Variants in KCNN1 observed in about 807,000 individuals in gnomAD.
The protein encoded by KCNN1 is potassium calcium-activated channel subfamily N member 1, also known as small conductance calcium-activated potassium channel protein 1.
In KCNN1, 20 loss-of-function variants were observed where a neutral mutation model predicts 44.7. The observed-to-expected ratio is 0.45, with a 90% CI of 0.32 to 0.65. KCNN1 has a LOEUF of 0.65. Among genes scored for constraint, KCNN1 ranks in the 30% least tolerant of loss-of-function variants. The probability of loss-of-function intolerance (pLI) is 0.05; values close to 1 mark genes in which losing one functional copy is unlikely to be tolerated. For missense variants in KCNN1, 632 were observed against 785.3 expected (o/e 0.80, Z 2.33); for synonymous variants, 324 against 341.7 (o/e 0.95, Z 0.57).
intron 4 of KCNN1, chr19:17,982,593 G>T: frequency 4.1e-6 from 4 of 985,232 alleles, no homozygotes; most frequent in Non-Finnish European, 4.8e-6. Context: ...CCCACCCTCC[G>T]CTGAGCTGTG....
intron 2 of KCNN1, among the ~76,000 whole-genome samples, chr19:17,958,628 A>T (rs2031601133): frequency 6.6e-6 from 1 of 151,772 alleles, no homozygotes; most frequent in African/African-American, 2.4e-5. Flanking sequence ...TTGGGACTAT[A>T]GATAGGTGCC....
Position 17,974,414 on chromosome 19 carries a change from G to T in KCNN1, c.402+124G>T. 8.9e-7 allele frequency: 1 copy of T among 1,117,840 alleles called. No individual in the cohort carries two copies. The highest frequency in any genetic ancestry group is 1.2e-6 in the Non-Finnish European group (1 of 817,546). The allele number at this position is 1,117,840 out of a possible 1,614,324, so 69.2% of individuals were successfully genotyped here. ...AGGGAGTGTTAGGGGGCTCCCGGAG[G>T]TGAGGGCTCCCTGGCCTTCTGCATA... On this transcript the variant is annotated intron_variant, in intron 2 of 9. Transcript: ENST00000684775. This position sits in a 1 kb window ranked among gnomAD's most constrained non-coding sequence, Gnocchi z 7.3.
chr19:17,992,796 G>A (rs12463223), intron 7 of KCNN1, among the ~76,000 whole-genome samples: 13,811 of 152,218 alleles, frequency 0.091, 816 homozygotes, highest in East Asian at 0.15. Flanking sequence ...AGGAGATGGT[G>A]TCGGCATAGT....
rs573973200 is a variant in KCNN1 at position 17,993,166 on chromosome 19, G to A, written c.1307+104G>A. On this transcript the variant is annotated intron_variant, in intron 8 of 9. Transcript: ENST00000684775. The surrounding 1 kb of genome is among the most constrained non-coding windows in gnomAD (Gnocchi z 4.5). ...GCATGCCAACCCCAGCCTCAGAGGC[G>A]GGCAGGGTTCACATCTGCCCCATGG... 27 of 1,406,248 alleles carry A rather than the reference G, an allele frequency of 1.9e-5. No homozygotes were observed. The highest frequency in any genetic ancestry group is 9.9e-5 in the African/African-American group (7 of 70,778). The allele number at this position is 1,406,248 out of a possible 1,614,324, so 87.1% of individuals were successfully genotyped here.
At chr19:17,962,605 AGCCCTCTGCGACACCT>A (rs796565171), upstream of KCNN1, among the ~76,000 whole-genome samples, 248 of 152,206 alleles carry the variant, frequency 1.6e-3, 2 homozygotes, top group African/African-American at 5.7e-3. Flanking sequence ...CTCAGGAACA[AGCCCTCTGCGACACCT>A]GCCCCAGCTC....
chr19:17,998,244 T>C lies in KCNN1; in HGVS notation c.1470T>C (p.Asp490=). ...ARLATLESRL[D]ALGASLQALP... is the part of the protein sequence containing the mutation. ...TGGCCACCCTGGAAAGCCGCTTGGA[T>C]GCGCTGGGTGCCTCTCTACAGGCCC... is the stretch of plus-strand genomic sequence containing the variant. Residue 490 remains aspartate, a synonymous_variant, in exon 10 of 10, where the codon GAT becomes GAC. Coordinates refer to ENST00000684775, the MANE Select transcript of KCNN1 (RefSeq NM_001386974.1). This position sits in a 1 kb window ranked among gnomAD's most constrained non-coding sequence, Gnocchi z 5.4. The C allele has an allele frequency of 5.7e-6, 9 of 1,570,474 alleles. No individual in the cohort carries two copies. The highest frequency in any genetic ancestry group is 7.8e-6 in the Non-Finnish European group (9 of 1,160,376).
intron 6 of KCNN1, among the ~76,000 whole-genome samples, chr19:17,989,291 C>G (rs997301916): frequency 1.1e-4 from 17 of 152,102 alleles, no homozygotes; most frequent in African/African-American, 4.1e-4. Context: ...AACCCCATCT[C>G]TAGTAAAAAT....
chr19:17,985,266 G>A (rs2032558659), intron 4 of KCNN1, 46 bp from the exon 5 acceptor site: 1 of 1,511,726 alleles, frequency 6.6e-7, no homozygotes, highest in Admixed American at 2.0e-5. Flanking sequence ...AGGCAAAGGG[G>A]ATGGTATAGA....
At position 17,998,930 on chromosome 19, in the gene KCNN1, TCA is replaced by T; in HGVS notation, c.*525_*526del. The T allele has an allele frequency of 6.5e-6, 1 of 152,792 alleles. No individual in the cohort carries two copies. The highest frequency in any genetic ancestry group is 2.4e-5 in the African/African-American group (1 of 41,586). The allele number at this position is 152,792 out of a possible 1,614,324, so 9.5% of individuals were successfully genotyped here. On this transcript the variant is annotated 3_prime_UTR_variant, in exon 10 of 10. Coordinates refer to ENST00000684775, the MANE Select transcript of KCNN1 (RefSeq NM_001386974.1). This position sits in a 1 kb window ranked among gnomAD's most constrained non-coding sequence, Gnocchi z 5.4. ...CAGCCCCACCTGGCGCTGAGATCCC[TCA>T]GACAGCATGGCCCAGCCCTGGCCAG...
chr19:17,971,735 A>C (rs1298632356), intron 1 of KCNN1, among the ~76,000 whole-genome samples: 1 of 151,678 alleles, frequency 6.6e-6, no homozygotes, highest in Non-Finnish European at 1.5e-5. Flanking sequence ...AAGTGCTGGG[A>C]TTCCAGGCGT....
chr19:17,990,931 G>T (rs1258417574), intron 7 of KCNN1, among the ~76,000 whole-genome samples: 4 of 152,068 alleles, frequency 2.6e-5, no homozygotes, highest in Non-Finnish European at 5.9e-5. Context: ...GAAGTCACCA[G>T]GGGGCTTTTT....
At chr19:17,963,839 C>A (rs1445193089), upstream of KCNN1, among the ~76,000 whole-genome samples, 1 of 152,068 alleles carries the variant, frequency 6.6e-6, no homozygotes, top group Non-Finnish European at 1.5e-5. Flanking sequence ...GATCTTCCTG[C>A]CTCAGCCGCC....
upstream of KCNN1, among the ~76,000 whole-genome samples, chr19:17,963,070 C>G (rs529856882): frequency 7.1e-6 from 1 of 140,526 alleles, no homozygotes; most frequent in East Asian, 2.1e-4. Flanking sequence ...TGCAGTGGCG[C>G]GATCTCGGTT....
chr19:17,989,351 G>T (rs776459572), intron 6 of KCNN1, among the ~76,000 whole-genome samples: 1 of 152,146 alleles, frequency 6.6e-6, no homozygotes, highest in Admixed American at 6.6e-5. Context: ...CCAGCTACTA[G>T]GGAGAGTGAG....
chr19:17,971,164 G>A (rs1249593006), intron 1 of KCNN1, among the ~76,000 whole-genome samples: 1 of 152,094 alleles, frequency 6.6e-6, no homozygotes, highest in Non-Finnish European at 1.5e-5. Context: ...GATTACAGGC[G>A]TGAGCCACTG....
chr19:17,997,851 T>C (rs751479495), intron 9 of KCNN1, among the ~76,000 whole-genome samples: 7 of 151,422 alleles, frequency 4.6e-5, no homozygotes, highest in Admixed American at 3.9e-4. Context: ...TGAGCCGAGA[T>C]TGGGCCACTG....
In KCNN1 at chr19:17,951,698, G is replaced by A. The variant is rs536604260; in HGVS notation, c.-203+289G>A. ...CTGTGGTTTGGTTCTGGCCACCCAG[G>A]CTCCCCCTTCCTAGCTGGGACCTTC... On this transcript the variant is annotated intron_variant, in intron 1 of 10. Transcript: ENST00000222249. Among the ~76,000 whole-genome samples the A allele has an allele frequency of 3.3e-5, 5 of 152,324 alleles. No individual in the cohort carries two copies. In the South Asian group the frequency reaches 1.0e-3, roughly 32 times the overall value.
intron 3 of KCNN1, among the ~76,000 whole-genome samples, chr19:17,979,402 CA>C (rs1481077810): frequency 1.5e-5 from 2 of 132,630 alleles, no homozygotes; most frequent in Admixed American, 1.7e-4. Context: ...CACTGCACTC[CA>C]GCCTGGGCAA....
intron 1 of KCNN1, among the ~76,000 whole-genome samples, chr19:17,953,467 GT>G (rs1212569546): frequency 3.3e-5 from 5 of 152,208 alleles, no homozygotes; most frequent in Non-Finnish European, 5.9e-5. Context: ...CTTCAGTCCT[GT>G]TCTGGGGTCT....
Sources: allele counts gnomAD v4.1 joint callset (sites outside exome capture counted in the v4.1 genomes callset), GRCh38; gene constraint gnomAD v4.1.1; non-coding constraint Gnocchi (gnomAD v3.1); transcripts MANE v1.5; gene names NCBI Gene and HGNC (gene_info 2026-07-23, HGNC 2026-07-21).